Variants in DGCR8 observed in about 807,000 individuals in gnomAD.
The protein encoded by DGCR8 is microprocessor complex subunit DGCR8.
In DGCR8, 14 loss-of-function variants were observed where a neutral mutation model predicts 78.5. The ratio of observed to expected loss-of-function variants is 0.18; its 90% confidence interval spans 0.12 to 0.28. DGCR8 has a LOEUF of 0.28. Ranked by LOEUF, DGCR8 falls within the 10% of genes least tolerant of loss-of-function variation. DGCR8 has a pLI of 1.00. For missense variants in DGCR8, 702 were observed against 1,022.5 expected, an observed-to-expected ratio of 0.69 and a Z score of 4.28; for synonymous variants, 399 against 402.4, an observed-to-expected ratio of 0.99 and a Z score of 0.10.
chr22:20,106,422 G>C, intron 10 of DGCR8, 145 bp downstream of exon 10: 1 of 825,322 alleles, frequency 1.2e-6, no homozygotes, highest in East Asian at 2.6e-5. Context: ...CTGGCCACCA[G>C]TCAGTCCCAC....
chr22:20,095,101 A>G (rs2049612741), intron 9 of DGCR8, among the ~76,000 whole-genome samples: 1 of 152,122 alleles, frequency 6.6e-6, no homozygotes, highest in South Asian at 2.1e-4. Flanking sequence ...GAGGCAGTCT[A>G]CAAGATTTAG....
chr22:20,080,622 G>T (rs999323272), intron 1 of DGCR8: 1 of 422,210 alleles, frequency 2.4e-6, no homozygotes, highest in Non-Finnish European at 3.2e-6. Flanking sequence ...GTCGCTGTCC[G>T]CCCGGGTAAA....
In DGCR8 at chr22:20,094,806, T is replaced by C; in HGVS notation, c.1788+11T>C. ...AGTGAAGAACTCGAGGTGAGTGTTG[T>C]GGTCCTGCCCTGCTGGGAGCTGTGT... is the stretch of plus-strand genomic sequence containing the variant. On this transcript the variant is annotated intron_variant, in intron 9 of 13. Coordinates refer to ENST00000351989, the MANE Select transcript of DGCR8 (RefSeq NM_022720.7). The C allele has an allele frequency of 5.6e-6, 9 of 1,613,012 alleles. No individual in the cohort carries two copies. The highest frequency in any genetic ancestry group is 7.6e-6 in the Non-Finnish European group (9 of 1,178,968).
intron 7 of DGCR8, 103 bp downstream of exon 7, chr22:20,092,073 C>A: frequency 2.2e-6 from 2 of 910,966 alleles, no homozygotes; most frequent in Non-Finnish European, 3.5e-6. Flanking sequence ...TCTACTGGAA[C>A]GGGAGGAAAG....
Position 20,092,249 on chromosome 22 carries a change from A to T in DGCR8, c.1606+279A>T, listed in dbSNP as rs77524092. ...GGTTTCTGATCCTGCGTTGTCATGG[A>T]CAGCCTTATTGCGAGCAAGGCCTCC... is the stretch of plus-strand genomic sequence containing the variant. On this transcript the variant is annotated intron_variant, in intron 7 of 13. Coordinates refer to ENST00000351989, the MANE Select transcript of DGCR8 (RefSeq NM_022720.7). 4.4e-3 allele frequency among the ~76,000 whole-genome samples: 674 copies of T among 152,302 alleles called. 5 individuals are homozygous for T. Among genetic ancestry groups the T allele is most frequent in the Non-Finnish European group, 7.7e-3 (524 of 68,028 alleles).
chr22:20,108,608 C>T, intron 12 of DGCR8: 1 of 338,146 alleles, frequency 3.0e-6, no homozygotes, highest in Non-Finnish European at 5.8e-6. Flanking sequence ...ACCTCACCTC[C>T]CTACTCTGCC....
intron 1 of DGCR8, among the ~76,000 whole-genome samples, chr22:20,081,209 G>A (rs2049414414): frequency 6.6e-6 from 1 of 152,250 alleles, no homozygotes; most frequent in South Asian, 2.1e-4. Context: ...CGCTGGGTTG[G>A]GCGGGAGGCT....
Position 20,086,946 on chromosome 22 carries a change from C to T in DGCR8, c.721-216C>T, listed in dbSNP as rs533352457. ...TGGGGCAGCAGGTGCTGCTGAGTTA[C>T]GCTCCTTGGCAGTGTGTGCCCCTGG... is the stretch of plus-strand genomic sequence containing the variant. On this transcript the variant is annotated intron_variant, in intron 2 of 13. Coordinates refer to ENST00000351989, the MANE Select transcript of DGCR8 (RefSeq NM_022720.7). The surrounding 1 kb of genome is among the most constrained non-coding windows in gnomAD (Gnocchi z 6.4). The T allele has an allele frequency of 6.7e-6, 5 of 745,644 alleles. No homozygotes were observed. The highest frequency in any genetic ancestry group is 5.3e-5 in the African/African-American group (3 of 56,758). The allele number at this position is 745,644 out of a possible 1,614,324, so 46.2% of individuals were successfully genotyped here.
intron 11 of DGCR8, chr22:20,107,005 G>A (rs1474269396): frequency 3.5e-6 from 2 of 576,216 alleles, no homozygotes; most frequent in East Asian, 2.9e-5. Flanking sequence ...GGAGGTGTGC[G>A]TCTTGGCGGG....
At chr22:20,102,855 G>A (rs575946760) in intron 9 of DGCR8, among the ~76,000 whole-genome samples, 1 of 152,180 alleles carries the variant, frequency 6.6e-6, no homozygotes, top group Non-Finnish European at 1.5e-5. Context: ...ATTCTGGGCT[G>A]GGTGCAGTGG....
At position 20,085,400 on chromosome 22, in the gene DGCR8, A is replaced by G. The variant is rs1004168121; in HGVS notation, c.-277-287A>G. 6.6e-6 allele frequency among the ~76,000 whole-genome samples: 1 copy of G among 152,184 alleles called. No homozygotes were observed. Among genetic ancestry groups the G allele is most frequent in the Non-Finnish European group, 1.5e-5 (1 of 68,036 alleles). ...AGAATGCTGTGGTGGAGTTTAGTGT[A>G]AATTTTTAAAATATTTTTTGAGCCT... On this transcript the variant is annotated intron_variant, in intron 1 of 13. Transcript: ENST00000351989. The surrounding 1 kb of genome is among the most constrained non-coding windows in gnomAD (Gnocchi z 6.2).
In DGCR8 at chr22:20,087,327, T is replaced by C. The variant is rs760524859; in HGVS notation, c.880+6T>C. On this transcript the variant is annotated splice_donor_region_variant and intron_variant, in intron 3 of 13. Coordinates refer to ENST00000351989, the MANE Select transcript of DGCR8 (RefSeq NM_022720.7). The surrounding 1 kb of genome is among the most constrained non-coding windows in gnomAD (Gnocchi z 4.1). The stretch of plus-strand genomic sequence containing the variant: ...GATTAAAACAGTGCTCAAAAGTACG[T>C]GTGTGGGTCAGAAGCAGTGGGTGTT... 5.7e-5 allele frequency: 91 copies of C among 1,597,138 alleles called. No homozygotes were observed. The highest frequency in any genetic ancestry group is 7.5e-5 in the Non-Finnish European group (87 of 1,167,682).
chr22:20,083,432 C>T (rs1400161563), intron 1 of DGCR8, among the ~76,000 whole-genome samples: 2 of 151,460 alleles, frequency 1.3e-5, no homozygotes, highest in Non-Finnish European at 2.9e-5. Context: ...CCAGGACTGC[C>T]CACCACTGAG....
intron 9 of DGCR8, chr22:20,101,860 G>A: frequency 1.0e-6 from 1 of 985,398 alleles, no homozygotes; most frequent in Non-Finnish European, 1.2e-6. Context: ...CCCTCCTTGT[G>A]TGGACTCCGG....
At position 20,094,617 on chromosome 22, in the gene DGCR8, T is replaced by TG. The variant is rs1290459586; in HGVS notation, c.1706-95dup. On this transcript the variant is annotated intron_variant, in intron 8 of 13. Transcript: ENST00000351989. Reference sequence around the variant, plus strand: ...CAGGGCCCTCGCTCAGCCTCTGAGCTGTGGGGATGGGAGGCAGCAGTGCAC... The same window carrying TG: ...CAGGGCCCTCGCTCAGCCTCTGAGCTGGTGGGGATGGGAGGCAGCAGTGCAC... 6 of 1,111,624 alleles carry TG rather than the reference T, an allele frequency of 5.4e-6. No individual in the cohort carries two copies. The South Asian group carries it at 7.7e-5, about 14-fold the overall frequency. 68.9% of individuals were successfully genotyped at this position (1,111,624 alleles called of 1,614,324 possible).
chr22:20,082,688 T>C (rs945282394), intron 1 of DGCR8, among the ~76,000 whole-genome samples: 2 of 152,200 alleles, frequency 1.3e-5, no homozygotes, highest in Non-Finnish European at 2.9e-5. Flanking sequence ...TTTTAAACCA[T>C]AAGATGGTAT....
intron 11 of DGCR8, 26 bp downstream of exon 11, chr22:20,106,724 G>C: frequency 6.4e-7 from 1 of 1,555,562 alleles, no homozygotes; most frequent in Non-Finnish European, 8.9e-7. Flanking sequence ...CTGCTGCCTG[G>C]TGGCCGCTGG....
At chr22:20,108,775 C>CTGTCAGACCCTGGGCGCGCCTACCT in intron 12 of DGCR8, 115 bp from the exon 13 acceptor site, 3 of 202,644 alleles carry the variant, frequency 1.5e-5, no homozygotes, top group Middle Eastern at 1.0e-3. Flanking sequence ...TGTTTCGTGT[C>CTGTCAGACCCTGGGCGCGCCTACCT]TGCCAGACCC....
chr22:20,090,332 A>G, intron 5 of DGCR8, 74 bp downstream of exon 5: 1 of 1,488,002 alleles, frequency 6.7e-7, no homozygotes, highest in African/African-American at 1.4e-5. Flanking sequence ...GAAGGCCATA[A>G]TTGTTCATAG....
Sources: allele counts gnomAD v4.1 joint callset (sites outside exome capture counted in the v4.1 genomes callset), GRCh38; gene constraint gnomAD v4.1.1; non-coding constraint Gnocchi (gnomAD v3.1); transcripts MANE v1.5; gene names NCBI Gene and HGNC (gene_info 2026-07-23, HGNC 2026-07-21).